PRDM16: variants seen among roughly 807,000 people sequenced by gnomAD.
The protein encoded by PRDM16 is histone-lysine N-methyltransferase PRDM16.
PRDM16 carries 23 observed loss-of-function variants against 110.6 expected under a neutral mutation model. The observed-to-expected ratio is 0.21, with a 90% CI of 0.15 to 0.29. The LOEUF is 0.29. Among genes scored for constraint, PRDM16 ranks in the 10% least tolerant of loss-of-function variants. PRDM16 has a pLI of 1.00. For synonymous variants in PRDM16, 799 were observed against 781.8 expected (o/e 1.02, Z -0.37); for missense variants, 1,615 against 1,794.3 (o/e 0.90, Z 1.81).
intron 1 of PRDM16, among the ~76,000 whole-genome samples, chr1:3,100,587 G>A (rs1275830159): frequency 6.6e-6 from 1 of 152,178 alleles, no homozygotes; most frequent in Non-Finnish European, 1.5e-5. Context: ...TCCAGGCACG[G>A]CCCATGGTCC....
intron 2 of PRDM16, among the ~76,000 whole-genome samples, chr1:3,187,591 G>A (rs1025418955): frequency 3.3e-5 from 5 of 152,298 alleles, no homozygotes; most frequent in African/African-American, 9.6e-5. Context: ...GCACCTCCCC[G>A]GGCTGGCGGC....
chr1:3,256,163 A>C (rs1382416840), intron 3 of PRDM16, among the ~76,000 whole-genome samples: 2 of 152,174 alleles, frequency 1.3e-5, no homozygotes, highest in African/African-American at 2.4e-5. Context: ...AACTGGCCTG[A>C]CCCAACCAGT....
intron 3 of PRDM16, among the ~76,000 whole-genome samples, chr1:3,354,153 C>G (rs758893413): frequency 1.3e-5 from 2 of 152,156 alleles, no homozygotes; most frequent in African/African-American, 4.8e-5. Flanking sequence ...GCATTTGAGA[C>G]GCTGCAGATA....
rs1015679889 is a variant in PRDM16, at chr1:3,243,156, C to T, written c.388-931C>T. Among the ~76,000 whole-genome samples the T allele has an allele frequency of 6.6e-6, 1 of 152,248 alleles. No individual in the cohort carries two copies. The highest frequency in any genetic ancestry group is 2.4e-5 in the African/African-American group (1 of 41,470). On this transcript the variant is annotated intron_variant, in intron 2 of 16. Coordinates refer to ENST00000270722, the MANE Select transcript of PRDM16 (RefSeq NM_022114.4). This position sits in a 1 kb window ranked among gnomAD's most constrained non-coding sequence, Gnocchi z 5.5. ...GCCTCCCTGTCTCGGCCTCTGTCCACACGTGGGTGAGGGGGTGGGAGCTCC... is the reference window on the plus strand; with the variant it reads ...GCCTCCCTGTCTCGGCCTCTGTCCATACGTGGGTGAGGGGGTGGGAGCTCC...
chr1:3,416,841 G>C (rs914319759), intron 10 of PRDM16, among the ~76,000 whole-genome samples: 29 of 152,234 alleles, frequency 1.9e-4, no homozygotes, highest in African/African-American at 6.8e-4. Flanking sequence ...CCCCTCAGGG[G>C]ATGATGAACA....
chr1:3,402,896 ACGAGGGCCTGGCTGAGGAGCTCAAGCC>A lies in PRDM16; in HGVS notation c.792_818del (p.Ala265_Leu273del). 1 of 1,612,968 alleles carries A rather than the reference ACGAGGGCCTGGCTGAGGAGCTCAAGCC, an allele frequency of 6.2e-7. No individual in the cohort carries two copies. Among genetic ancestry groups the A allele is most frequent in the Non-Finnish European group, 8.5e-7 (1 of 1,179,974 alleles). The stretch of plus-strand genomic sequence containing the variant: ...TGTGGCTCAGTGGGGGCTGCGCTCT[ACGAGGGCCTGGCTGAGGAGCTCAAGCC>A]CGAGGGCCTTGGCGGTGGCAGCGGC... On this transcript the variant is annotated inframe_deletion, in exon 6 of 17. Transcript: ENST00000270722.
intron 1 of PRDM16, among the ~76,000 whole-genome samples, chr1:3,167,379 A>G (rs1643969717): frequency 6.6e-6 from 1 of 152,122 alleles, no homozygotes; most frequent in Non-Finnish European, 1.5e-5. Flanking sequence ...TGCGTGGGAG[A>G]GCCTCAGGGT....
At chr1:3,186,501 G>T (rs780401891) in intron 2 of PRDM16, 27 bp downstream of exon 2, 1 of 1,352,764 alleles carries the variant, frequency 7.4e-7, no homozygotes, top group South Asian at 1.4e-5. Context: ...GAGTATGATT[G>T]ATCACGGCCA....
In PRDM16 at chr1:3,412,372, C is replaced by G; in HGVS notation, c.2175C>G (p.Phe725Leu). 4 of 1,613,598 alleles carry G rather than the reference C, an allele frequency of 2.5e-6. No homozygotes were observed. Among genetic ancestry groups the G allele is most frequent in the Non-Finnish European group, 3.4e-6 (4 of 1,180,024 alleles). The change falls in exon 9 of 17, where the codon TTC (phenylalanine) becomes TTG (leucine). Residue 725 changes from phenylalanine (F) to leucine (L), a missense_variant. Coordinates refer to ENST00000270722, the MANE Select transcript of PRDM16 (RefSeq NM_022114.4). Reference sequence around the variant, plus strand: ...GCTCGCTCCCCTACCACTCGGCGTTCCCCTTCCAGTTCCTGCCCAACTTCC... The same window carrying G: ...GCTCGCTCCCCTACCACTCGGCGTTGCCCTTCCAGTTCCTGCCCAACTTCC... The part of the protein sequence containing the change: ...KLGSLPYHSA[F>L]PFQFLPNFPH...
intron 2 of PRDM16, among the ~76,000 whole-genome samples, chr1:3,239,207 A>G (rs556269704): frequency 6.6e-6 from 1 of 152,348 alleles, no homozygotes; most frequent in South Asian, 2.1e-4. Flanking sequence ...GTGGCCGTGG[A>G]CATTCCTCTC....
In PRDM16 at chr1:3,290,193, A is replaced by G. The variant is rs934014973; in HGVS notation, c.438+46056A>G. On this transcript the variant is annotated intron_variant, in intron 3 of 16. Transcript: ENST00000270722. The surrounding 1 kb of genome is among the most constrained non-coding windows in gnomAD (Gnocchi z 4.8). The stretch of plus-strand genomic sequence containing the variant: ...CCTACGACTCCAAGGCTGGCCCGGC[A>G]CAGGGGCTCCCCTTGAGGTGGGCAG... Among the ~76,000 whole-genome samples, 2 of 152,206 alleles carry G rather than the reference A, an allele frequency of 1.3e-5. No individual in the cohort carries two copies. Among genetic ancestry groups the G allele is most frequent in the Non-Finnish European group, 2.9e-5 (2 of 68,024 alleles).
chr1:3,331,730 C>G (rs1642045600), intron 3 of PRDM16, among the ~76,000 whole-genome samples: 1 of 152,242 alleles, frequency 6.6e-6, no homozygotes, highest in African/African-American at 2.4e-5. Flanking sequence ...CACCCGGACC[C>G]AGGGCTCCTG....
chr1:3,366,635 T>C (rs1642821523), intron 3 of PRDM16, among the ~76,000 whole-genome samples: 1 of 152,190 alleles, frequency 6.6e-6, no homozygotes, highest in African/African-American at 2.4e-5. Context: ...AAAAGACCTT[T>C]TGTTCCCAGA....
At chr1:3,238,866 T>C (rs1639599315) in intron 2 of PRDM16, among the ~76,000 whole-genome samples, 1 of 152,244 alleles carries the variant, frequency 6.6e-6, no homozygotes, top group South Asian at 2.1e-4. Flanking sequence ...GGCGCTGCCC[T>C]GAGCAGCTCC....
At chr1:3,072,065 A>G (rs2100526920) in intron 1 of PRDM16, among the ~76,000 whole-genome samples, 1 of 152,112 alleles carries the variant, frequency 6.6e-6, no homozygotes, top group African/African-American at 2.4e-5. Flanking sequence ...CTGATGGGAA[A>G]CCTACAGCCT....
At chr1:3,184,319 G>C (rs924517542) in intron 1 of PRDM16, among the ~76,000 whole-genome samples, 3 of 152,122 alleles carry the variant, frequency 2.0e-5, no homozygotes, top group Non-Finnish European at 4.4e-5. Context: ...TGAGGAATCT[G>C]AAGTCATTTT....
intron 6 of PRDM16, among the ~76,000 whole-genome samples, chr1:3,403,956 G>A (rs551068235): frequency 4.9e-4 from 75 of 152,340 alleles, no homozygotes; most frequent in African/African-American, 1.7e-3. Flanking sequence ...AATCCCAACT[G>A]CGGCCCTTCC....
intron 5 of PRDM16, among the ~76,000 whole-genome samples, chr1:3,397,685 G>T (rs1040804176): frequency 6.6e-6 from 1 of 152,226 alleles, no homozygotes; most frequent in Non-Finnish European, 1.5e-5. Flanking sequence ...GGAGCCTGGA[G>T]GGAGGCTGAG....
At chr1:3,399,892 C>A (rs567501973) in intron 5 of PRDM16, among the ~76,000 whole-genome samples, 1 of 152,318 alleles carries the variant, frequency 6.6e-6, no homozygotes, top group East Asian at 1.9e-4. Flanking sequence ...CCCATCTCAG[C>A]CTCCTTCCAG....
Sources: allele counts gnomAD v4.1 joint callset (sites outside exome capture counted in the v4.1 genomes callset), GRCh38; gene constraint gnomAD v4.1.1; non-coding constraint Gnocchi (gnomAD v3.1); transcripts MANE v1.5; gene names NCBI Gene and HGNC (gene_info 2026-07-23, HGNC 2026-07-21).